CADPS: variants seen among roughly 807,000 people sequenced by gnomAD.
CADPS encodes the protein calcium dependent secretion activator.
CADPS carries 57 observed loss-of-function variants against 167.3 expected under a neutral mutation model. That is an observed-to-expected ratio of 0.34 (90% CI 0.28 to 0.42). The LOEUF (loss-of-function observed/expected upper bound fraction) is 0.42, where lower values mean the gene tolerates loss of function less well. CADPS is among the 20% of genes least tolerant of loss of function. The pLI is 1.00. For missense variants in CADPS, 1,414 were observed against 1,738.1 expected (o/e 0.81, Z 3.32); for synonymous variants, 676 against 635.3 (o/e 1.06, Z -0.96).
chr3:62,743,739 G>A lies in CADPS; in HGVS notation c.888+9702C>T, dbSNP rs979335466. ...CTACAATAGAACGTAAATGAGCGAA[G>A]CAAACAAACCTAAGTAGTCTCCATT... On this transcript the variant is annotated intron_variant, in intron 3 of 29. Coordinates refer to ENST00000383710, the MANE Select transcript of CADPS (RefSeq NM_003716.4). 9.2e-5 allele frequency among the ~76,000 whole-genome samples: 14 copies of A among 152,216 alleles called. No individual in the cohort carries two copies. The East Asian group carries it at 2.5e-3, about 27-fold the overall frequency.
At chr3:62,604,509 A>C (rs1381593588) in intron 6 of CADPS, among the ~76,000 whole-genome samples, 1 of 152,226 alleles carries the variant, frequency 6.6e-6, no homozygotes, top group Non-Finnish European at 1.5e-5. Flanking sequence ...TTATTCATTG[A>C]AGGTTGACTC....
chr3:62,463,854 C>G (rs529429197), intron 26 of CADPS, among the ~76,000 whole-genome samples: 1 of 152,286 alleles, frequency 6.6e-6, no homozygotes, highest in South Asian at 2.1e-4. Context: ...TAGGGGCCAT[C>G]GCACCTCTGG....
At chr3:62,751,939 A>G (rs2082800554) in intron 3 of CADPS, among the ~76,000 whole-genome samples, 1 of 152,228 alleles carries the variant, frequency 6.6e-6, no homozygotes, top group Non-Finnish European at 1.5e-5. Context: ...TGGCATAACA[A>G]TGGATTCACT....
At chr3:62,507,676 C>A (rs577552931) in intron 17 of CADPS, among the ~76,000 whole-genome samples, 1 of 152,298 alleles carries the variant, frequency 6.6e-6, no homozygotes, top group East Asian at 1.9e-4. Context: ...CCAGGCTCCA[C>A]CCCAGACCTG....
chr3:62,837,715 A>T (rs2076093360), intron 1 of CADPS, among the ~76,000 whole-genome samples: 1 of 152,216 alleles, frequency 6.6e-6, no homozygotes, highest in Non-Finnish European at 1.5e-5. Context: ...ATCATAGAGC[A>T]AAGAGTATGA....
chr3:62,870,739 TA>T (rs1384903068), intron 1 of CADPS, among the ~76,000 whole-genome samples: 1 of 152,154 alleles, frequency 6.6e-6, no homozygotes, highest in African/African-American at 2.4e-5. Flanking sequence ...CTACATCATT[TA>T]AAAAATGGTC....
In CADPS at chr3:62,492,402, C is replaced by A. The variant is rs188157614; in HGVS notation, c.2772G>T (p.Thr924=). ...WSDLMVEHAE[T]FLSLFAVDMD... is the part of the protein sequence containing the mutation. The stretch of plus-strand genomic sequence containing the variant: ...TGTCTACTGCAAAGAGTGACAGGAA[C>A]GTCTCCGCATGCTCCACCATTAAAT... The change falls in exon 20 of 30, where the codon ACG becomes ACT. Residue 924 remains threonine, a synonymous_variant. Transcript: ENST00000383710. 3.1e-6 allele frequency: 5 copies of A among 1,614,078 alleles called. No individual in the cohort carries two copies. In the South Asian group the frequency reaches 4.4e-5, roughly 14 times the overall value.
At chr3:62,814,958 T>A (rs1356465592) in intron 1 of CADPS, among the ~76,000 whole-genome samples, 1 of 152,208 alleles carries the variant, frequency 6.6e-6, no homozygotes, top group African/African-American at 2.4e-5. Context: ...GGACAGGTTT[T>A]GCGGGACTTC....
intron 4 of CADPS, among the ~76,000 whole-genome samples, chr3:62,655,044 T>C (rs1048531548): frequency 2.0e-5 from 3 of 152,288 alleles, no homozygotes; most frequent in Middle Eastern, 3.4e-3. Context: ...CACCAAATTC[T>C]ATCTAGCAAA....
chr3:62,535,678 A>G (rs2074547096), intron 12 of CADPS, among the ~76,000 whole-genome samples: 1 of 152,136 alleles, frequency 6.6e-6, no homozygotes. Context: ...AAATGAAATA[A>G]CAATTTATGG....
chr3:62,491,526 A>T, intron 20 of CADPS, 46 bp from the exon 21 acceptor site: 2 of 1,502,670 alleles, frequency 1.3e-6, no homozygotes, highest in Non-Finnish European at 1.8e-6. Flanking sequence ...CAGCTACTTT[A>T]TCAACGTACA....
chr3:62,668,245 G>A (rs1037639878), intron 3 of CADPS, among the ~76,000 whole-genome samples: 2 of 152,234 alleles, frequency 1.3e-5, no homozygotes, highest in Non-Finnish European at 2.9e-5. Flanking sequence ...GAGCTTCAGA[G>A]TAAATGAACC....
In CADPS at chr3:62,601,357, C is replaced by T. The variant is rs2059939766; in HGVS notation, c.1326-8609G>A. Reference sequence around the variant, plus strand: ...GTAGTTATGACAGAGAATATAGGGCCAACAAACCGAAAATTTTTACTTTCT... The same window carrying T: ...GTAGTTATGACAGAGAATATAGGGCTAACAAACCGAAAATTTTTACTTTCT... On this transcript the variant is annotated intron_variant, in intron 6 of 29. Coordinates refer to ENST00000383710, the MANE Select transcript of CADPS (RefSeq NM_003716.4). The surrounding 1 kb of genome is among the most constrained non-coding windows in gnomAD (Gnocchi z 4.3). Among the ~76,000 whole-genome samples the T allele has an allele frequency of 6.6e-6, 1 of 152,120 alleles. No homozygotes were observed. The highest frequency in any genetic ancestry group is 2.1e-4 in the South Asian group (1 of 4,818).
At chr3:62,415,533 G>A (rs1393696110) in intron 28 of CADPS, among the ~76,000 whole-genome samples, 2 of 152,062 alleles carry the variant, frequency 1.3e-5, no homozygotes, top group East Asian at 3.9e-4. Flanking sequence ...ACATTCAAAA[G>A]CTGACATGCT....
chr3:62,559,833 G>A (rs554904564), intron 9 of CADPS, among the ~76,000 whole-genome samples: 5 of 151,966 alleles, frequency 3.3e-5, no homozygotes, highest in Admixed American at 2.0e-4. Flanking sequence ...CTGACAACAT[G>A]AAAGATGACA....
chr3:62,720,515 T>C, intron 3 of CADPS, among the ~76,000 whole-genome samples: 1 of 152,084 alleles, frequency 6.6e-6, no homozygotes, highest in Non-Finnish European at 1.5e-5. Context: ...AGAAAATTAT[T>C]TTTTGTAGAA....
chr3:62,706,859 C>G (rs770604341), intron 3 of CADPS, among the ~76,000 whole-genome samples: 1 of 151,982 alleles, frequency 6.6e-6, no homozygotes, highest in Admixed American at 6.6e-5. Flanking sequence ...AGGGTGGAAG[C>G]GGGGTGAGGG....
chr3:62,562,061 A>G (rs892427585), intron 9 of CADPS, among the ~76,000 whole-genome samples: 1 of 152,204 alleles, frequency 6.6e-6, no homozygotes, highest in African/African-American at 2.4e-5. Context: ...CAAATGTGTT[A>G]TTTTAATAGT....
intron 3 of CADPS, among the ~76,000 whole-genome samples, chr3:62,673,395 T>G (rs1357032233): frequency 6.6e-6 from 1 of 152,196 alleles, no homozygotes; most frequent in Non-Finnish European, 1.5e-5. Context: ...AGTATTTAAG[T>G]GCAGAAAGGA....
Sources: allele counts gnomAD v4.1 joint callset (sites outside exome capture counted in the v4.1 genomes callset), GRCh38; gene constraint gnomAD v4.1.1; non-coding constraint Gnocchi (gnomAD v3.1); transcripts MANE v1.5; gene names NCBI Gene and HGNC (gene_info 2026-07-23, HGNC 2026-07-21).